Variants in TTC39A observed in about 807,000 individuals in gnomAD.
TTC39A encodes tetratricopeptide repeat protein 39A.
Under a neutral mutation model 82.3 loss-of-function variants are expected in TTC39A, and 46 were observed. The observed-to-expected ratio is 0.56, with a 90% confidence interval of 0.44 to 0.71. TTC39A has a LOEUF of 0.71. TTC39A is among the 30% of genes least tolerant of loss of function. TTC39A has a pLI of 0.00. For synonymous variants in TTC39A, 254 were observed against 275.2 expected (o/e 0.92, Z 0.76); for missense variants, 543 against 712.9 (o/e 0.76, Z 2.71).
Position 51,330,535 on chromosome 1 carries a change from G to C in TTC39A, c.-58C>G. 1 of 983,744 alleles carries C rather than the reference G, an allele frequency of 1.0e-6. No homozygotes were observed. The highest frequency in any genetic ancestry group is 1.2e-6 in the Non-Finnish European group (1 of 830,118). 60.9% of individuals were successfully genotyped at this position (983,744 alleles called of 1,614,324 possible). On this transcript the variant is annotated 5_prime_UTR_variant, in exon 1 of 18. Transcript: ENST00000680483. The surrounding 1 kb of genome is among the most constrained non-coding windows in gnomAD (Gnocchi z 4.5). ...GGACGCCAATCGCGGCCCAGGTGCT[G>C]CCGCCGCAACCCCGAGCCGGGCGCT...
At chr1:51,344,721 C>A (rs1327626625) in intron 1 of TTC39A, among the ~76,000 whole-genome samples, 5 of 152,252 alleles carry the variant, frequency 3.3e-5, no homozygotes, top group Non-Finnish European at 7.3e-5. Context: ...GAGCTGACTT[C>A]GCAGATAGCC....
rs1428432685 is a variant in TTC39A, at chr1:51,294,357, C to T, written c.1266+34G>A. 2 of 1,613,434 alleles carry T rather than the reference C, an allele frequency of 1.2e-6. No homozygotes were observed. The highest frequency in any genetic ancestry group is 1.7e-6 in the Non-Finnish European group (2 of 1,179,714). On this transcript the variant is annotated intron_variant, in intron 14 of 17. Coordinates refer to ENST00000680483, the MANE Select transcript of TTC39A (RefSeq NM_001297663.2). The surrounding 1 kb of genome is among the most constrained non-coding windows in gnomAD (Gnocchi z 4.3). Reference sequence around the variant, plus strand: ...CAGTGAATCCCCACAATCCTATACCCGGAGGGCAGCGCCAGTCCAGACCTC... The same window carrying T: ...CAGTGAATCCCCACAATCCTATACCTGGAGGGCAGCGCCAGTCCAGACCTC...
intron 6 of TTC39A, among the ~76,000 whole-genome samples, chr1:51,306,963 A>T (rs539314790): frequency 6.6e-6 from 1 of 150,380 alleles, no homozygotes; most frequent in African/African-American, 2.4e-5. Context: ...TTCCCTGAGG[A>T]GGTGACATTT....
chr1:51,331,164 G>T (rs1482151156), upstream of TTC39A: 2 of 1,537,534 alleles, frequency 1.3e-6, no homozygotes, highest in Non-Finnish European at 8.8e-7. Flanking sequence ...CTAATAAGTG[G>T]CAAGCTAGGA....
Position 51,301,621 on chromosome 1 carries a change from A to G in TTC39A, c.1004T>C (p.Met335Thr), listed in dbSNP as rs1644659190. ...GAGCAGGTCGGCGTAGAAGTAGGAC[A>G]TCTTCCACTGGCCCTTGTAGGTGAA... ...WCFTYKGQWK[M>T]SYFYADLLSK... The change falls in exon 12 of 18, where the codon ATG becomes ACG. Residue 335 changes from methionine (M) to threonine (T), a missense_variant. Transcript: ENST00000680483. 2 of 1,613,616 alleles carry G rather than the reference A, an allele frequency of 1.2e-6. No homozygotes were observed. Among genetic ancestry groups the G allele is most frequent in the South Asian group, 1.1e-5 (1 of 90,972 alleles).
chr1:51,291,203 G>T (rs1010388167), intron 14 of TTC39A, among the ~76,000 whole-genome samples: 3 of 151,152 alleles, frequency 2.0e-5, no homozygotes, highest in African/African-American at 7.3e-5. Context: ...AAAAAAATTT[G>T]GGGGGGGCCA....
At chr1:51,322,940 T>C (rs1211327240) in intron 1 of TTC39A, among the ~76,000 whole-genome samples, 1 of 152,352 alleles carries the variant, frequency 6.6e-6, no homozygotes, top group African/African-American at 2.4e-5. Context: ...AATTGAAACA[T>C]GTCTTTTTCA....
intron 6 of TTC39A, among the ~76,000 whole-genome samples, chr1:51,306,853 A>ACACCCCCCCCCCC (rs1644885320): frequency 1.7e-5 from 1 of 60,184 alleles, no homozygotes; most frequent in African/African-American, 8.6e-5. Flanking sequence ...TAAGGGACAG[A>ACACCCCCCCCCCC]CCCCCCCCCC....
At chr1:51,333,079 G>A (rs1321627993), upstream of TTC39A, among the ~76,000 whole-genome samples, 2 of 151,984 alleles carry the variant, frequency 1.3e-5, no homozygotes, top group African/African-American at 2.4e-5. Context: ...AGGCATGGTG[G>A]CGCACGCCTG....
intron 10 of TTC39A, 44 bp from the exon 11 acceptor site, chr1:51,302,460 G>A: frequency 6.2e-7 from 1 of 1,606,180 alleles, no homozygotes; most frequent in Non-Finnish European, 8.5e-7. Flanking sequence ...CGTGGGGTCT[G>A]TGGGTGTTTG....
chr1:51,290,419 G>C, intron 15 of TTC39A, 95 bp downstream of exon 15: 1 of 1,101,652 alleles, frequency 9.1e-7, no homozygotes, highest in Non-Finnish European at 1.3e-6. Context: ...AGTTGCCAGG[G>C]TAGGGAAAGG....
At chr1:51,342,318 A>G (rs945431025) in intron 1 of TTC39A, among the ~76,000 whole-genome samples, 2 of 152,186 alleles carry the variant, frequency 1.3e-5, no homozygotes, top group African/African-American at 4.8e-5. Context: ...CCTGGAAGGA[A>G]GATTACCTCA....
intron 2 of TTC39A, among the ~76,000 whole-genome samples, chr1:51,313,395 C>A (rs1222499014): frequency 6.6e-6 from 1 of 152,172 alleles, no homozygotes; most frequent in Non-Finnish European, 1.5e-5. Flanking sequence ...CTCAACCTCA[C>A]TTCCCTGGAC....
chr1:51,289,061 CAG>C (rs1390856809), intron 16 of TTC39A, 106 bp from the exon 17 acceptor site: 19 of 995,380 alleles, frequency 1.9e-5, no homozygotes, highest in Non-Finnish European at 2.6e-5. Context: ...TCCCACTACC[CAG>C]CCCTAGAAAG....
chr1:51,316,026 A>G (rs1358103067), intron 2 of TTC39A, among the ~76,000 whole-genome samples: 2 of 152,194 alleles, frequency 1.3e-5, no homozygotes, highest in African/African-American at 4.8e-5. Flanking sequence ...GCCCCAGGGA[A>G]TGAGGCAGCC....
chr1:51,304,660 C>T (rs1166812485), intron 8 of TTC39A, among the ~76,000 whole-genome samples: 2 of 152,148 alleles, frequency 1.3e-5, no homozygotes. Context: ...GGTCTGATGC[C>T]CAGTAGGGCT....
At chr1:51,307,612 G>T (rs886622808) in intron 6 of TTC39A, among the ~76,000 whole-genome samples, 8 of 151,984 alleles carry the variant, frequency 5.3e-5, no homozygotes, top group Non-Finnish European at 7.4e-5. Flanking sequence ...GCGTATGTCT[G>T]TGGTCCCAGC....
intron 2 of TTC39A, among the ~76,000 whole-genome samples, chr1:51,318,232 C>T (rs1023550354): frequency 1.3e-5 from 2 of 152,066 alleles, no homozygotes; most frequent in African/African-American, 4.8e-5. Context: ...GATTCCAGTG[C>T]AGGAGGGTGG....
chr1:51,330,282 G>C lies in TTC39A; in HGVS notation c.41+155C>G. On this transcript the variant is annotated intron_variant, in intron 1 of 17. Coordinates refer to ENST00000680483, the MANE Select transcript of TTC39A (RefSeq NM_001297663.2). This position sits in a 1 kb window ranked among gnomAD's most constrained non-coding sequence, Gnocchi z 4.5. ...GCCCCCTGCCCCCACTCCTGGCAGC[G>C]GCGGCGGCTGCCAGGGGCCGGGCGG... The C allele has an allele frequency of 3.2e-6, 3 of 941,814 alleles. No individual in the cohort carries two copies. The highest frequency in any genetic ancestry group is 3.8e-6 in the Non-Finnish European group (3 of 790,620). 58.3% of individuals were successfully genotyped at this position (941,814 alleles called of 1,614,324 possible).
Sources: gnomAD v4.1 joint callset for allele counts (sites outside exome capture counted in the v4.1 genomes callset) on GRCh38, gnomAD v4.1.1 for gene constraint, Gnocchi (gnomAD v3.1) non-coding constraint, MANE v1.5 for transcripts, NCBI Gene and HGNC (gene_info 2026-07-23, HGNC 2026-07-21) for gene names.